FSTL5: variants seen among roughly 807,000 people sequenced by gnomAD.
The protein encoded by FSTL5 is follistatin like 5.
In FSTL5, 62 loss-of-function variants were observed where a neutral mutation model predicts 89.1. The observed-to-expected ratio is 0.70, with a 90% CI of 0.57 to 0.86. The LOEUF is 0.86. Ranked by LOEUF, FSTL5 falls within the 40% of genes least tolerant of loss-of-function variation. The pLI is 0.00. For missense variants in FSTL5, 1,057 were observed against 1,001.6 expected (o/e 1.06, Z -0.75); for synonymous variants, 383 against 346.2 (o/e 1.11, Z -1.18).
chr4:162,066,999 C>T (rs753884069), intron 2 of FSTL5, among the ~76,000 whole-genome samples: 2 of 151,760 alleles, frequency 1.3e-5, no homozygotes, highest in African/African-American at 4.8e-5. Flanking sequence ...CTTGAGGAAT[C>T]GCCACACTGT....
intron 4 of FSTL5, among the ~76,000 whole-genome samples, chr4:161,836,210 A>T (rs918653376): frequency 6.0e-5 from 9 of 151,140 alleles, no homozygotes; most frequent in African/African-American, 2.2e-4. Flanking sequence ...AAGAACAAAA[A>T]AACAACCACT....
At position 161,727,849 on chromosome 4, in the gene FSTL5, T is replaced by C. The variant is rs188109918; in HGVS notation, c.727+31562A>G. Among the ~76,000 whole-genome samples the C allele has an allele frequency of 1.7e-4, 26 of 152,074 alleles. No individual in the cohort carries two copies. The South Asian group carries it at 3.9e-3, about 23-fold the overall frequency. On this transcript the variant is annotated intron_variant, in intron 6 of 15. Transcript: ENST00000306100. Reference sequence around the variant, plus strand: ...TTCTTAGTTTTGCACTAACTGGAAATAGAGAAAGGAGAGGAAAGGGTGTTC... The same window carrying C: ...TTCTTAGTTTTGCACTAACTGGAAACAGAGAAAGGAGAGGAAAGGGTGTTC...
intron 4 of FSTL5, among the ~76,000 whole-genome samples, chr4:161,899,466 G>T (rs947773979): frequency 1.3e-4 from 20 of 152,102 alleles, no homozygotes; most frequent in African/African-American, 4.8e-4. Flanking sequence ...TCAGTCTGCT[G>T]ACTAATACAT....
intron 6 of FSTL5, among the ~76,000 whole-genome samples, chr4:161,673,866 T>C (rs34842194): frequency 0.021 from 3,181 of 152,050 alleles, 41 homozygotes; most frequent in Middle Eastern, 0.034. Flanking sequence ...TTACAGTGCA[T>C]GTAGAATTAA....
chr4:161,743,468 T>C (rs1740093645), intron 6 of FSTL5, among the ~76,000 whole-genome samples: 1 of 152,144 alleles, frequency 6.6e-6, no homozygotes, highest in Admixed American at 6.5e-5. Context: ...AGCTTTAAAA[T>C]AAGAAAGAAT....
intron 7 of FSTL5, among the ~76,000 whole-genome samples, chr4:161,655,973 G>A (rs1211347758): frequency 6.6e-6 from 1 of 151,966 alleles, no homozygotes; most frequent in Non-Finnish European, 1.5e-5. Flanking sequence ...TCATACATAT[G>A]TACTTGAACA....
At chr4:161,850,492 G>T (rs541798234) in intron 4 of FSTL5, among the ~76,000 whole-genome samples, 1 of 141,910 alleles carries the variant, frequency 7.0e-6, no homozygotes, top group Non-Finnish European at 1.6e-5. Flanking sequence ...GCATGTGCAG[G>T]TGTGCGTATG....
rs550530120 is a variant in FSTL5 at position 161,860,243 on chromosome 4, G to A, written c.409+60161C>T. Reference sequence around the variant, plus strand: ...GCGGAGCTTGCAGTGAGAGGAGATCGCGCCACTGCACTCCAGCCTAGGCGA... The same window carrying A: ...GCGGAGCTTGCAGTGAGAGGAGATCACGCCACTGCACTCCAGCCTAGGCGA... On this transcript the variant is annotated intron_variant, in intron 4 of 15. Coordinates refer to ENST00000306100, the MANE Select transcript of FSTL5 (RefSeq NM_020116.5). 5.3e-4 allele frequency among the ~76,000 whole-genome samples: 81 copies of A among 152,168 alleles called. 1 individual carries two copies. The highest frequency in any genetic ancestry group is 8.5e-4 in the Non-Finnish European group (58 of 67,998).
intron 3 of FSTL5, among the ~76,000 whole-genome samples, chr4:161,934,128 A>C (rs190431553): frequency 6.6e-6 from 1 of 152,204 alleles, no homozygotes; most frequent in Admixed American, 6.6e-5. Context: ...CCAAATAGTT[A>C]CTTATCATGT....
intron 1 of FSTL5, among the ~76,000 whole-genome samples, chr4:162,117,495 A>G: frequency 6.6e-6 from 1 of 152,240 alleles, no homozygotes. Flanking sequence ...TAACATTTAT[A>G]AATCATCCAA....
chr4:161,732,654 C>A (rs756783372), intron 6 of FSTL5, among the ~76,000 whole-genome samples: 4 of 151,974 alleles, frequency 2.6e-5, no homozygotes, highest in African/African-American at 9.6e-5. Flanking sequence ...TAATTTCCTT[C>A]GACTTACTTT....
Position 161,577,473 on chromosome 4 carries a change from C to CAAAAAAAAAAAAAAAAAAA in FSTL5, c.1015+9981_1015+9982insTTTTTTTTTTTTTTTTTTT, listed in dbSNP as rs544029134. Among the ~76,000 whole-genome samples, 2 of 110,224 alleles carry CAAAAAAAAAAAAAAAAAAA rather than the reference C, an allele frequency of 1.8e-5. 1 individual carries two copies. The allele number at this position is 110,224 out of a possible 152,430, so 72.3% of individuals were successfully genotyped here. On this transcript the variant is annotated intron_variant, in intron 8 of 15. Transcript: ENST00000306100. ...CCCTGAAAGAAGAGAAGAAAAAAGA[C>CAAAAAAAAAAAAAAAAAAA]AAAAAAAAAAAAAAAAAAGGAAACA...
chr4:161,666,422 T>C (rs1316757725), intron 6 of FSTL5, among the ~76,000 whole-genome samples: 2 of 152,126 alleles, frequency 1.3e-5, no homozygotes, highest in South Asian at 2.1e-4. Context: ...ACATAAATTC[T>C]TATATAACAT....
At chr4:161,820,988 T>C (rs182558709) in intron 4 of FSTL5, among the ~76,000 whole-genome samples, 144 of 150,720 alleles carry the variant, frequency 9.6e-4, no homozygotes, top group African/African-American at 3.2e-3. Flanking sequence ...AAAAAATGTA[T>C]ATATTTGTAC....
intron 1 of FSTL5, among the ~76,000 whole-genome samples, chr4:162,124,707 GT>G (rs59015731): frequency 6.6e-6 from 1 of 151,462 alleles, no homozygotes; most frequent in Non-Finnish European, 1.5e-5. Context: ...TTTTTTGTTT[GT>G]TTTTTTTCTG....
intron 6 of FSTL5, among the ~76,000 whole-genome samples, chr4:161,674,905 C>T (rs901247378): frequency 2.0e-5 from 3 of 152,168 alleles, no homozygotes; most frequent in East Asian, 1.9e-4. Context: ...TGCCACACTT[C>T]GGGGGCTCCA....
chr4:161,510,306 AAAG>A (rs1730609745), intron 11 of FSTL5, 89 bp downstream of exon 11: 5 of 790,080 alleles, frequency 6.3e-6, no homozygotes, highest in East Asian at 2.9e-5. Flanking sequence ...TCAAAATGAA[AAAG>A]AAGGTAATTA....
chr4:161,602,052 T>G (rs879293134), intron 7 of FSTL5, among the ~76,000 whole-genome samples: 1 of 152,000 alleles, frequency 6.6e-6, no homozygotes, highest in Admixed American at 6.6e-5. Flanking sequence ...ATGATTAATA[T>G]GTTAATATTT....
intron 7 of FSTL5, among the ~76,000 whole-genome samples, chr4:161,601,931 A>T (rs1386920383): frequency 6.6e-6 from 1 of 152,156 alleles, no homozygotes; most frequent in Non-Finnish European, 1.5e-5. Flanking sequence ...TATGAGACAC[A>T]TAAAATAGAA....
Sources: allele counts gnomAD v4.1 joint callset (sites outside exome capture counted in the v4.1 genomes callset), GRCh38; gene constraint gnomAD v4.1.1; transcripts MANE v1.5; gene names NCBI Gene and HGNC (gene_info 2026-07-23, HGNC 2026-07-21).